Variants in BST1 observed in about 807,000 individuals in gnomAD.
The protein encoded by BST1 is bone marrow stromal cell antigen 1.
BST1 carries 49 observed loss-of-function variants against 40.6 expected under a neutral mutation model. That is an observed-to-expected ratio of 1.21 (90% CI 0.96 to 1.53). The LOEUF (loss-of-function observed/expected upper bound fraction) is 1.53, where lower values mean the gene tolerates loss of function less well. Among genes scored for constraint, BST1 ranks in the 40% most tolerant of loss-of-function variants. The probability of loss-of-function intolerance (pLI) is 0.00; values close to 1 mark genes in which losing one functional copy is unlikely to be tolerated. For synonymous variants in BST1, 157 were observed against 159.3 expected, an observed-to-expected ratio of 0.99 and a Z score of 0.11; for missense variants, 423 against 395.9, an observed-to-expected ratio of 1.07 and a Z score of -0.58.
At chr4:15,749,991 C>T in the BST1 span, among the ~76,000 whole-genome samples, 1 of 150,384 alleles carries the variant, frequency 6.6e-6, no homozygotes, top group East Asian at 2.0e-4. Flanking sequence ...CATCCCCTCA[C>T]TACCCTTCCC....
In BST1 at chr4:15,711,857, GTGGATTCCTTT is replaced by G; in HGVS notation, c.507_517del (p.Asp169GlufsTer11). On this transcript the variant is annotated frameshift_variant, in exon 4 of 9. Coordinates refer to ENST00000265016, the MANE Select transcript of BST1 (RefSeq NM_004334.3). LOFTEE classifies it high-confidence loss of function. Reference sequence around the variant, plus strand: ...ATCAGAAGACTGTGAAAATAATCCTGTGGATTCCTTTTGGAAAAGGGCATCCATCCAGGTAA... The same window carrying G: ...ATCAGAAGACTGTGAAAATAATCCTGTGGAAAAGGGCATCCATCCAGGTAA... 6.2e-7 allele frequency: 1 copy of G among 1,614,068 alleles called. No homozygotes were observed. Among genetic ancestry groups the G allele is most frequent in the Non-Finnish European group, 8.5e-7 (1 of 1,179,970 alleles).
At chr4:15,748,296 C>G in the BST1 span, among the ~76,000 whole-genome samples, 1 of 152,128 alleles carries the variant, frequency 6.6e-6, no homozygotes. Flanking sequence ...GATACTGAAG[C>G]TTAGTTATTT....
chr4:15,736,601 C>T (rs1164873892), downstream of BST1, among the ~76,000 whole-genome samples: 2 of 150,612 alleles, frequency 1.3e-5, no homozygotes, highest in Non-Finnish European at 3.0e-5. Context: ...TAGAGTGAGA[C>T]TCTGTCTCCA....
the BST1 span, among the ~76,000 whole-genome samples, chr4:15,767,688 C>T: frequency 7.3e-6 from 1 of 136,852 alleles, no homozygotes; most frequent in Non-Finnish European, 1.6e-5. Flanking sequence ...ACACAGAACA[C>T]TTTATTGTTT....
chr4:15,761,691 A>C, the BST1 span, among the ~76,000 whole-genome samples: 1 of 151,924 alleles, frequency 6.6e-6, no homozygotes, highest in East Asian at 1.9e-4. Flanking sequence ...AATTATTCTT[A>C]TGTGATAGAA....
downstream of BST1, among the ~76,000 whole-genome samples, chr4:15,741,314 A>T (rs1212677165): frequency 4.6e-5 from 7 of 152,152 alleles, no homozygotes; most frequent in South Asian, 4.1e-4. Context: ...CCAGGAGTAA[A>T]ACATGGCCCG....
At chr4:15,765,141 C>T in the BST1 span, among the ~76,000 whole-genome samples, 58 of 152,044 alleles carry the variant, frequency 3.8e-4, 2 homozygotes, top group African/African-American at 1.4e-3. Flanking sequence ...AACATTTTCA[C>T]TTGGATACAT....
At chr4:15,713,130 T>C (rs1720308398) in intron 4 of BST1, among the ~76,000 whole-genome samples, 1 of 151,962 alleles carries the variant, frequency 6.6e-6, no homozygotes, top group Non-Finnish European at 1.5e-5. Flanking sequence ...TGTGGTATAG[T>C]GATGGGAAGC....
chr4:15,764,452 G>A, the BST1 span, among the ~76,000 whole-genome samples: 5 of 151,876 alleles, frequency 3.3e-5, no homozygotes, highest in African/African-American at 1.2e-4. Flanking sequence ...ATATAAGAAC[G>A]GAAAGTGTAA....
downstream of BST1, among the ~76,000 whole-genome samples, chr4:15,735,788 C>A (rs140768053): frequency 3.2e-3 from 494 of 152,248 alleles, 2 homozygotes; most frequent in African/African-American, 0.011. Flanking sequence ...GGTTACCAGG[C>A]GACTTAGCCA....
At chr4:15,712,363 G>A (rs1720262887) in intron 4 of BST1, among the ~76,000 whole-genome samples, 2 of 152,150 alleles carry the variant, frequency 1.3e-5, no homozygotes, top group Admixed American at 1.3e-4. Flanking sequence ...CTGAAGGTAG[G>A]TCTGTTTCCC....
At chr4:15,706,589 C>A (rs1719892999) in intron 2 of BST1, among the ~76,000 whole-genome samples, 1 of 152,150 alleles carries the variant, frequency 6.6e-6, no homozygotes, top group Admixed American at 6.5e-5. Flanking sequence ...ATGCTAGACA[C>A]CATTTTTGTT....
rs2302468 is a variant in BST1 at position 15,703,251 on chromosome 4, G to A, written c.107G>A (p.Gly36Glu). The A allele has an allele frequency of 4.5e-6, 7 of 1,542,116 alleles. No homozygotes were observed. The African/African-American group carries it at 5.5e-5, about 12-fold the overall frequency. ...GGCGGGGCGCGCGCGCGGTGGCGCG[G>A]GGAGGGCACCAGCGCACACTTGCGG... is the stretch of plus-strand genomic sequence containing the variant. ...AAGGARARWR[G>E]EGTSAHLRDI... Residue 36 changes from glycine (G) to glutamate (E), a missense_variant, in exon 1 of 9, where the codon GGG (glycine) becomes GAG (glutamate). Gly to Glu is a moderately conservative substitution (Grantham distance 98). Transcript: ENST00000265016.
chr4:15,755,796 GA>G, the BST1 span, among the ~76,000 whole-genome samples: 14 of 147,854 alleles, frequency 9.5e-5, no homozygotes, highest in African/African-American at 1.5e-4. Context: ...AACCCTATTT[GA>G]AAAAAAAAAC....
chr4:15,758,608 T>A, the BST1 span, among the ~76,000 whole-genome samples: 1 of 152,242 alleles, frequency 6.6e-6, no homozygotes, highest in African/African-American at 2.4e-5. Flanking sequence ...ATACTGTTTG[T>A]TAACTATATT....
At chr4:15,703,408 C>T (rs1221197468) in intron 1 of BST1, 76 bp downstream of exon 1, 2 of 1,443,514 alleles carry the variant, frequency 1.4e-6, no homozygotes, top group Non-Finnish European at 1.8e-6. Flanking sequence ...GGAAAACTGG[C>T]GCTAAAGTTC....
the BST1 span, among the ~76,000 whole-genome samples, chr4:15,759,711 C>T: frequency 1.5e-5 from 2 of 129,380 alleles, no homozygotes; most frequent in African/African-American, 6.2e-5. Flanking sequence ...CAGGGGGTGT[C>T]ATGGGGTACA....
the BST1 span, among the ~76,000 whole-genome samples, chr4:15,751,885 TCTC>T: frequency 6.6e-6 from 1 of 152,154 alleles, no homozygotes; most frequent in Non-Finnish European, 1.5e-5. Flanking sequence ...ATCCAGCACT[TCTC>T]CTTTGTGTAT....
At chr4:15,723,659 TAC>T in intron 8 of BST1, 1 of 964,858 alleles carries the variant, frequency 1.0e-6, no homozygotes, top group Non-Finnish European at 1.2e-6. Flanking sequence ...CTTGATTATA[TAC>T]TTTAAGCTGT....
Sources: gnomAD v4.1 joint callset for allele counts (sites outside exome capture counted in the v4.1 genomes callset) on GRCh38, gnomAD v4.1.1 for gene constraint, MANE v1.5 for transcripts, NCBI Gene and HGNC (gene_info 2026-07-23, HGNC 2026-07-21) for gene names.